Variants in ERMP1 observed in about 807,000 individuals in gnomAD.
The protein encoded by ERMP1 is endoplasmic reticulum metallopeptidase 1, also known as Felix-ina.
Under a neutral mutation model 92.0 loss-of-function variants are expected in ERMP1, and 86 were observed. That is an observed-to-expected ratio of 0.93 (90% CI 0.79 to 1.12). The LOEUF is 1.12. Among genes scored for constraint, ERMP1 ranks in the 50% most tolerant of loss-of-function variants. The pLI is 0.00. For synonymous variants in ERMP1, 530 were observed against 412.8 expected, an observed-to-expected ratio of 1.28 and a Z score of -3.44; for missense variants, 1,342 against 1,116.3, an observed-to-expected ratio of 1.20 and a Z score of -2.88.
intron 4 of ERMP1, among the ~76,000 whole-genome samples, 171 bp downstream of exon 4, chr9:5,823,725 G>A (rs7046500): frequency 0.33 from 49,368 of 151,524 alleles, 8,823 homozygotes; most frequent in East Asian, 0.57. Flanking sequence ...GTTAGATGCT[G>A]CATTATTTGG....
At chr9:5,858,840 G>C (rs1035334225) in intron 6 of ERMP1, among the ~76,000 whole-genome samples, 23 of 152,314 alleles carry the variant, frequency 1.5e-4, no homozygotes, top group African/African-American at 5.5e-4. Context: ...GATGATGGAT[G>C]GATGGGAACA....
chr9:5,848,837 G>T (rs1830270833), intron 6 of ERMP1, among the ~76,000 whole-genome samples: 1 of 152,194 alleles, frequency 6.6e-6, no homozygotes, highest in East Asian at 1.9e-4. Context: ...CTAAAAGAGT[G>T]AGTGGGTGAG....
chr9:5,864,685 G>A (rs1012240828), intron 5 of ERMP1, among the ~76,000 whole-genome samples: 16 of 152,178 alleles, frequency 1.1e-4, no homozygotes, highest in Admixed American at 9.2e-4. Context: ...TCCTTACCAG[G>A]ATGTAGGCAG....
chr9:5,830,926 A>C lies in ERMP1; in HGVS notation c.441T>G (p.Ile147Met). The C allele has an allele frequency of 6.2e-7, 1 of 1,614,030 alleles. No individual in the cohort carries two copies. The highest frequency in any genetic ancestry group is 8.5e-7 in the Non-Finnish European group (1 of 1,179,914). The change falls in exon 2 of 15, where the codon ATT becomes ATG. Residue 147 changes from isoleucine to methionine, a missense_variant. Ile to Met is a conservative substitution (Grantham distance 10). Transcript: ENST00000339450. ...VHYLLEQIKL[I>M]EVQSNSLHKI... ...TATGAAGGCTGTTGCTTTGCACTTC[A>C]ATCAGTTTAATCTGTTCCAAAAGGT...
At position 5,787,528 on chromosome 9, in the gene ERMP1, C is replaced by G; in HGVS notation, c.2452G>C (p.Gly818Arg). ...TTACTTGTGACTGGGGTGCCATTGCCAAGAGACCACTGAGAAAGTGTTGAC... is the reference window on the plus strand; with the variant it reads ...TTACTTGTGACTGGGGTGCCATTGCGAAGAGACCACTGAGAAAGTGTTGAC... Reference protein sequence around the residue: ...KGSTLSQWSLGNGTPVTSKGG... With the variant: ...KGSTLSQWSLRNGTPVTSKGG... Residue 818 changes from glycine to arginine, a missense_variant, in exon 14 of 15, where the codon GGC becomes CGC. Gly to Arg is a moderately radical substitution (Grantham distance 125, BLOSUM62 -2). Coordinates refer to ENST00000339450, the MANE Select transcript of ERMP1 (RefSeq NM_024896.3). 1 of 1,614,018 alleles carries G rather than the reference C, an allele frequency of 6.2e-7. No homozygotes were observed. The highest frequency in any genetic ancestry group is 1.1e-5 in the South Asian group (1 of 91,052).
chr9:5,864,535 C>G (rs1282084255), intron 5 of ERMP1, among the ~76,000 whole-genome samples: 1 of 152,154 alleles, frequency 6.6e-6, no homozygotes, highest in Non-Finnish European at 1.5e-5. Context: ...GGGGGGCGAG[C>G]GGGTATTTGA....
At position 5,805,158 on chromosome 9, in the gene ERMP1, C is replaced by CAT. The variant is rs1308572892; in HGVS notation, c.1781_1782dup (p.Ala595MetfsTer39). 33 of 1,612,394 alleles carry CAT rather than the reference C, an allele frequency of 2.0e-5. No homozygotes were observed. Among genetic ancestry groups the CAT allele is most frequent in the Non-Finnish European group, 2.8e-5 (33 of 1,179,330 alleles). On this transcript the variant is annotated frameshift_variant, in exon 10 of 15. Transcript: ENST00000339450. LOFTEE classifies it high-confidence loss of function. ...AATACTGCCCAGATGAGGTACAATG[C>CAT]ATAAAGATAAGGAATAAACATCCCC...
At position 5,811,146 on chromosome 9, in the gene ERMP1, T is replaced by G. The variant is rs1284211133; in HGVS notation, c.1292A>C (p.Tyr431Ser). The change falls in exon 7 of 15, where the codon TAC becomes TCC. Residue 431 changes from tyrosine (Y) to serine (S), a missense_variant. By Grantham distance (144) the Tyr-to-Ser change is moderately radical. Transcript: ENST00000339450. ...NYMVVMGVVLYLGKKFLQPKH... is the reference protein window; with the variant it reads ...NYMVVMGVVLSLGKKFLQPKH... ...GGGCTGCAAAAATTTTTTGCCCAGG[T>G]ACAAAACAACACCCATTACCACCAT... 4 of 1,613,898 alleles carry G rather than the reference T, an allele frequency of 2.5e-6. No individual in the cohort carries two copies. Among genetic ancestry groups the G allele is most frequent in the Non-Finnish European group, 1.7e-6 (2 of 1,179,910 alleles).
At chr9:5,858,257 G>A (rs1316188444) in intron 6 of ERMP1, among the ~76,000 whole-genome samples, 1 of 152,184 alleles carries the variant, frequency 6.6e-6, no homozygotes, top group African/African-American at 2.4e-5. Flanking sequence ...GATGAGAGAT[G>A]AAGGCAAGTA....
At position 5,833,100 on chromosome 9, in the gene ERMP1, G is replaced by C. The variant is rs1830027782; in HGVS notation, c.-73C>G. On this transcript the variant is annotated 5_prime_UTR_variant, in exon 1 of 15. Coordinates refer to ENST00000339450, the MANE Select transcript of ERMP1 (RefSeq NM_024896.3). ...CCCGGCCGCCGCCGACGCCGCCGTCGCTGCCGCAGCGCCTCCTAGTGAGCG... is the reference window on the plus strand; with the variant it reads ...CCCGGCCGCCGCCGACGCCGCCGTCCCTGCCGCAGCGCCTCCTAGTGAGCG... 7.7e-7 allele frequency: 1 copy of C among 1,295,762 alleles called. No individual in the cohort carries two copies. Among genetic ancestry groups the C allele is most frequent in the Non-Finnish European group, 1.0e-6 (1 of 996,986 alleles). 80.3% of individuals were successfully genotyped at this position (1,295,762 alleles called of 1,614,324 possible).
At chr9:5,851,696 C>T (rs1028745490) in intron 6 of ERMP1, among the ~76,000 whole-genome samples, 1 of 152,160 alleles carries the variant, frequency 6.6e-6, no homozygotes, top group African/African-American at 2.4e-5. Flanking sequence ...GCAGCTGGAG[C>T]TACAAAACCA....
chr9:5,861,647 G>C (rs1586848643), intron 5 of ERMP1, among the ~76,000 whole-genome samples: 2 of 149,844 alleles, frequency 1.3e-5, no homozygotes, highest in East Asian at 4.0e-4. Context: ...GCCAGTAAGG[G>C]GCCCTAGGGC....
chr9:5,849,185 G>A (rs970734322), intron 6 of ERMP1, among the ~76,000 whole-genome samples: 2 of 152,152 alleles, frequency 1.3e-5, no homozygotes, highest in Admixed American at 1.3e-4. Flanking sequence ...ACCACACCCA[G>A]CTAATTTTTG....
At chr9:5,848,374 T>C (rs1198753326) in intron 6 of ERMP1, among the ~76,000 whole-genome samples, 1 of 152,200 alleles carries the variant, frequency 6.6e-6, no homozygotes, top group Non-Finnish European at 1.5e-5. Context: ...GACGTGGATC[T>C]GCGCCTAGAA....
chr9:5,858,686 G>C (rs1324276762), intron 6 of ERMP1, among the ~76,000 whole-genome samples: 1 of 152,192 alleles, frequency 6.6e-6, no homozygotes, highest in Non-Finnish European at 1.5e-5. Context: ...GTGGGATCCT[G>C]GGGTACTACT....
In ERMP1 at chr9:5,798,794, T is replaced by C; in HGVS notation, c.2270+12A>G. Reference sequence around the variant, plus strand: ...AACAAACTAACCTTAAGCAGAAAAATAATGAACCAACCTGATCAGAAAGTG... The same window carrying C: ...AACAAACTAACCTTAAGCAGAAAAACAATGAACCAACCTGATCAGAAAGTG... On this transcript the variant is annotated intron_variant, in intron 12 of 14. Coordinates refer to ENST00000339450, the MANE Select transcript of ERMP1 (RefSeq NM_024896.3). The C allele has an allele frequency of 1.3e-6, 2 of 1,598,972 alleles. No individual in the cohort carries two copies. Among genetic ancestry groups the C allele is most frequent in the East Asian group, 2.2e-5 (1 of 44,708 alleles).
At chr9:5,853,362 G>A (rs1054544658) in intron 6 of ERMP1, among the ~76,000 whole-genome samples, 1 of 152,160 alleles carries the variant, frequency 6.6e-6, no homozygotes, top group African/African-American at 2.4e-5. Context: ...ATACTTTGGG[G>A]TGGTATAACC....
At position 5,808,736 on chromosome 9, in the gene ERMP1, TTTTG is replaced by T. The variant is rs762674951; in HGVS notation, c.1548+1271_1548+1274del. Among the ~76,000 whole-genome samples, 116 of 152,302 alleles carry T rather than the reference TTTTG, an allele frequency of 7.6e-4. No homozygotes were observed. The Middle Eastern group carries it at 0.01, about 13-fold the overall frequency. ...CCTATTATTTTACAGCTTTTTAAAT[TTTTG>T]TTTGTTTGTTTGTTTGAGATAGGGT... On this transcript the variant is annotated intron_variant, in intron 8 of 14. Transcript: ENST00000339450.
At chr9:5,799,084 G>A in intron 11 of ERMP1, 76 bp from the exon 12 acceptor site, 1 of 979,606 alleles carries the variant, frequency 1.0e-6, no homozygotes, top group Non-Finnish European at 1.6e-6. Context: ...CAAAAATGGA[G>A]TATGACAATA....
Sources: allele counts gnomAD v4.1 joint callset (sites outside exome capture counted in the v4.1 genomes callset), GRCh38; gene constraint gnomAD v4.1.1; transcripts MANE v1.5; gene names NCBI Gene and HGNC (gene_info 2026-07-23, HGNC 2026-07-21).